The following MAF variants were observed in gnomAD, a reference collection of about 807,000 sequenced individuals.
MAF encodes MAF bZIP transcription factor.
Under a neutral mutation model 22.0 loss-of-function variants are expected in MAF, and 10 were observed. That is an observed-to-expected ratio of 0.45 (90% CI 0.28 to 0.77). The LOEUF (loss-of-function observed/expected upper bound fraction) is 0.77, where lower values mean the gene tolerates loss of function less well. Among genes scored for constraint, MAF ranks in the 30% least tolerant of loss-of-function variants. MAF has a pLI of 0.12. For synonymous variants in MAF, 337 were observed against 255.8 expected (o/e 1.32, Z -3.03); for missense variants, 544 against 548.4 (o/e 0.99, Z 0.08).
At chr16:79,552,623 C>A in the MAF span, among the ~76,000 whole-genome samples, 1 of 152,174 alleles carries the variant, frequency 6.6e-6, no homozygotes, top group South Asian at 2.1e-4. Context: ...AAAATTAGCT[C>A]CCCTCCCCCT....
the MAF span, among the ~76,000 whole-genome samples, chr16:79,299,757 C>T: frequency 2.6e-5 from 4 of 152,214 alleles, no homozygotes; most frequent in African/African-American, 9.6e-5. Flanking sequence ...CACATGGGTG[C>T]CCGTGTGTTC....
At chr16:79,429,039 G>A in the MAF span, among the ~76,000 whole-genome samples, 8 of 152,070 alleles carry the variant, frequency 5.3e-5, no homozygotes, top group Non-Finnish European at 7.4e-5. Flanking sequence ...CAAGCATGAG[G>A]CTAGGATGTG....
chr16:79,281,537 CTT>C, the MAF span, among the ~76,000 whole-genome samples: 1 of 141,532 alleles, frequency 7.1e-6, no homozygotes, highest in African/African-American at 2.6e-5. Flanking sequence ...AAAGCTCACT[CTT>C]TGAAGACTTT....
chr16:79,416,160 G>A, the MAF span, among the ~76,000 whole-genome samples: 122 of 152,252 alleles, frequency 8.0e-4, 1 homozygote, highest in East Asian at 8.2e-3. Flanking sequence ...GAAGTGGGGC[G>A]ATTGCTCACT....
chr16:79,567,460 CA>C, the MAF span, among the ~76,000 whole-genome samples: 16,567 of 152,142 alleles, frequency 0.11, 992 homozygotes, highest in African/African-American at 0.14. Context: ...ATAGAAGCCA[CA>C]AGGCAAGGGA....
chr16:79,220,339 C>G, the MAF span, among the ~76,000 whole-genome samples: 1 of 151,732 alleles, frequency 6.6e-6, no homozygotes, highest in Non-Finnish European at 1.5e-5. Flanking sequence ...ACACATGTGC[C>G]CATAGTCCCA....
chr16:79,520,277 G>T, the MAF span, among the ~76,000 whole-genome samples: 1 of 152,150 alleles, frequency 6.6e-6, no homozygotes, highest in Non-Finnish European at 1.5e-5. Context: ...CTTCCATGAA[G>T]TAAAATGGTG....
At chr16:79,400,665 C>A in the MAF span, among the ~76,000 whole-genome samples, 1 of 152,210 alleles carries the variant, frequency 6.6e-6, no homozygotes, top group South Asian at 2.1e-4. Flanking sequence ...TCTGACTATT[C>A]CAGACCACTC....
chr16:79,239,395 T>A, the MAF span, among the ~76,000 whole-genome samples: 1 of 151,926 alleles, frequency 6.6e-6, no homozygotes, highest in East Asian at 1.9e-4. Flanking sequence ...TTGGAATGAG[T>A]TGGTTATCCA....
At chr16:79,585,352 G>T (rs1174370288), downstream of MAF, among the ~76,000 whole-genome samples, 6 of 152,180 alleles carry the variant, frequency 3.9e-5, no homozygotes, top group Non-Finnish European at 7.3e-5. Context: ...ACGCAGAAGT[G>T]GGGACACACT....
chr16:79,223,359 A>T, the MAF span, among the ~76,000 whole-genome samples: 1 of 152,192 alleles, frequency 6.6e-6, no homozygotes, highest in Non-Finnish European at 1.5e-5. Flanking sequence ...ACACATTTAA[A>T]CCAGTGTGTA....
chr16:79,469,410 T>C, the MAF span, among the ~76,000 whole-genome samples: 1 of 152,168 alleles, frequency 6.6e-6, no homozygotes, highest in Non-Finnish European at 1.5e-5. Flanking sequence ...CTCCCGCCTA[T>C]TACCTGGGTG....
At chr16:79,329,486 G>A in the MAF span, among the ~76,000 whole-genome samples, 17 of 152,032 alleles carry the variant, frequency 1.1e-4, no homozygotes, top group Admixed American at 1.1e-3. Flanking sequence ...AATGCAAGAG[G>A]GAAATTGTTG....
chr16:79,269,714 G>A, the MAF span, among the ~76,000 whole-genome samples: 7 of 152,176 alleles, frequency 4.6e-5, no homozygotes, highest in Non-Finnish European at 1.0e-4. Context: ...GTCGGGGGCT[G>A]TCCCTGCCTC....
chr16:79,373,492 C>T, the MAF span, among the ~76,000 whole-genome samples: 1 of 149,592 alleles, frequency 6.7e-6, no homozygotes, highest in African/African-American at 2.5e-5. Flanking sequence ...AAGCGACTCT[C>T]CTGCCTCAGC....
chr16:79,298,367 C>T, the MAF span, among the ~76,000 whole-genome samples: 1 of 152,240 alleles, frequency 6.6e-6, no homozygotes, highest in African/African-American at 2.4e-5. Flanking sequence ...GTTTGCAAGG[C>T]TTGAATGGTC....
Position 79,599,570 on chromosome 16 carries a change from C to T in MAF, c.333G>A (p.Glu111=), listed in dbSNP as rs1038780864. The T allele has an allele frequency of 6.3e-7, 1 of 1,598,610 alleles. No homozygotes were observed. Among genetic ancestry groups the T allele is most frequent in the African/African-American group, 1.3e-5 (1 of 74,764 alleles). ...LNPEALGFSP[E]DAVEALISNS... is the part of the protein sequence containing the mutation. ...TGCTGATGAGCGCCTCGACCGCGTCCTCGGGGCTGAAGCCCAGCGCCTCGG... is the reference window on the plus strand; with the variant it reads ...TGCTGATGAGCGCCTCGACCGCGTCTTCGGGGCTGAAGCCCAGCGCCTCGG... Residue 111 remains glutamate, a synonymous_variant, in exon 1 of 2, where the codon GAG becomes GAA. Transcript: ENST00000326043.
the MAF span, among the ~76,000 whole-genome samples, chr16:79,214,703 C>CTTTT: frequency 2.1e-3 from 91 of 43,080 alleles, 16 homozygotes; most frequent in African/African-American, 6.3e-3. Flanking sequence ...CTGTGCCTGG[C>CTTTT]TTTTTTTTTT....
chr16:79,575,826 C>T, the MAF span, among the ~76,000 whole-genome samples: 60 of 152,284 alleles, frequency 3.9e-4, no homozygotes, highest in African/African-American at 1.4e-3. Flanking sequence ...TCCAAAGAAT[C>T]CCTGGCCAAG....
Sources: gnomAD v4.1 joint callset for allele counts (sites outside exome capture counted in the v4.1 genomes callset) on GRCh38, gnomAD v4.1.1 for gene constraint, MANE v1.5 for transcripts, NCBI Gene and HGNC (gene_info 2026-07-23, HGNC 2026-07-21) for gene names.